Variants in CERT1 observed in about 807,000 individuals in gnomAD.
CERT1 encodes the protein ceramide transporter 1, also known as ceramide transfer protein.
Under a neutral mutation model 87.9 loss-of-function variants are expected in CERT1, and 31 were observed. The observed-to-expected ratio is 0.35, with a 90% confidence interval of 0.27 to 0.48. The LOEUF (loss-of-function observed/expected upper bound fraction) is 0.48, where lower values mean the gene tolerates loss of function less well. CERT1 is among the 20% of genes least tolerant of loss of function. The pLI is 0.99. For missense variants in CERT1, 487 were observed against 758.0 expected (o/e 0.64, Z 4.20); for synonymous variants, 289 against 250.9 (o/e 1.15, Z -1.44).
At chr5:75,433,683 G>T (rs1177595283) in intron 3 of CERT1, among the ~76,000 whole-genome samples, 1 of 152,064 alleles carries the variant, frequency 6.6e-6, no homozygotes, top group Non-Finnish European at 1.5e-5. Flanking sequence ...ACTACACCCA[G>T]GTAATTTTTT....
At chr5:75,508,287 A>G (rs561046357) in intron 1 of CERT1, among the ~76,000 whole-genome samples, 1 of 152,324 alleles carries the variant, frequency 6.6e-6, no homozygotes, top group African/African-American at 2.4e-5. Context: ...GTTAAGTTTA[A>G]ACAAGAATAG....
At chr5:75,380,162 G>A (rs1761503558) in intron 16 of CERT1, among the ~76,000 whole-genome samples, 3 of 152,134 alleles carry the variant, frequency 2.0e-5, no homozygotes. Flanking sequence ...TTTGATGAGA[G>A]AGGTTGCAAT....
intron 2 of CERT1, among the ~76,000 whole-genome samples, chr5:75,494,691 T>C (rs2112439073): frequency 6.6e-6 from 1 of 152,084 alleles, no homozygotes; most frequent in African/African-American, 2.4e-5. Flanking sequence ...AGATCTAGTT[T>C]TGAGCTTCCC....
At position 75,467,951 on chromosome 5, in the gene CERT1, T is replaced by G. The variant is rs1307492606; in HGVS notation, c.232-8770A>C. Among the ~76,000 whole-genome samples the G allele has an allele frequency of 2.6e-5, 4 of 152,214 alleles. 1 individual carries two copies. In the South Asian group the frequency reaches 8.3e-4, roughly 31 times the overall value. ...GATTTTAAGAATGTACAATTACTTCTAAATTTTACAAGTTTTTGTAAGTGA... is the reference window on the plus strand; with the variant it reads ...GATTTTAAGAATGTACAATTACTTCGAAATTTTACAAGTTTTTGTAAGTGA... On this transcript the variant is annotated intron_variant, in intron 2 of 16. Coordinates refer to ENST00000643780, the MANE Select transcript of CERT1 (RefSeq NM_001379029.1).
At chr5:75,398,423 A>C (rs1370644737) in intron 11 of CERT1, among the ~76,000 whole-genome samples, 1 of 152,192 alleles carries the variant, frequency 6.6e-6, no homozygotes, top group African/African-American at 2.4e-5. Flanking sequence ...AAATCATAAA[A>C]ATGAAGCACA....
intron 2 of CERT1, among the ~76,000 whole-genome samples, chr5:75,472,622 C>T (rs1015451258): frequency 6.6e-6 from 1 of 152,114 alleles, no homozygotes; most frequent in African/African-American, 2.4e-5. Context: ...ACAAACATTT[C>T]TCAGAAGAAA....
Position 75,379,460 on chromosome 5 carries a change from T to A in CERT1, c.1761A>T (p.Gly587=), listed in dbSNP as rs759226067. Reference sequence around the variant, plus strand: ...CCCTTAACACTGAGGCTGGTGCCCATCCTCCAGGGTTCACTGCAAGATAAA... The same window carrying A: ...CCCTTAACACTGAGGCTGGTGCCCAACCTCCAGGGTTCACTGCAAGATAAA... ...ITYVANVNPG[G]WAPASVLRAV... Residue 587 remains glycine (G), a synonymous_variant, in exon 17 of 17, where the codon GGA becomes GGT. Transcript: ENST00000643780. 1.2e-6 allele frequency: 2 copies of A among 1,613,108 alleles called. No homozygotes were observed. The highest frequency in any genetic ancestry group is 1.7e-6 in the Non-Finnish European group (2 of 1,179,640).
downstream of CERT1, chr5:75,375,520 G>T (rs1226100610): frequency 1.3e-5 from 2 of 151,204 alleles, no homozygotes; most frequent in Non-Finnish European, 2.9e-5. Context: ...AGTTGAGGCT[G>T]CAGTGAGCTG....
At chr5:75,475,590 A>G (rs61001560) in intron 2 of CERT1, among the ~76,000 whole-genome samples, 1 of 152,214 alleles carries the variant, frequency 6.6e-6, no homozygotes, top group African/African-American at 2.4e-5. Context: ...CACGATTAAC[A>G]TATCCTTTGA....
chr5:75,400,040 G>A (rs542941841), intron 10 of CERT1, among the ~76,000 whole-genome samples, 165 bp downstream of exon 10: 17 of 152,296 alleles, frequency 1.1e-4, no homozygotes, highest in Admixed American at 9.8e-4. Flanking sequence ...GCTGAGGCAC[G>A]AGAATCTCTT....
chr5:75,461,831 A>AC (rs1450774309), intron 2 of CERT1, among the ~76,000 whole-genome samples: 3 of 152,044 alleles, frequency 2.0e-5, no homozygotes, highest in Non-Finnish European at 4.4e-5. Context: ...GAAAAAAAAA[A>AC]AAAAAACGAG....
At chr5:75,417,297 T>C (rs899497942) in intron 6 of CERT1, among the ~76,000 whole-genome samples, 36 of 152,130 alleles carry the variant, frequency 2.4e-4, no homozygotes, top group African/African-American at 8.2e-4. Context: ...ATTAATCAAA[T>C]GGTAGGAGGA....
rs1173239382 is a variant in CERT1 at position 75,473,831 on chromosome 5, CAATA to C, written c.232-14654_232-14651del. ...ATACTTCAAAAAAGCATGTTGTGTA[CAATA>C]AATACATGTTACATGTCAACTTTTA... On this transcript the variant is annotated intron_variant, in intron 2 of 16. Coordinates refer to ENST00000643780, the MANE Select transcript of CERT1 (RefSeq NM_001379029.1). Among the ~76,000 whole-genome samples, 6 of 152,072 alleles carry C rather than the reference CAATA, an allele frequency of 3.9e-5. No individual in the cohort carries two copies. In the South Asian group the frequency reaches 6.2e-4, roughly 16 times the overall value.
chr5:75,389,646 C>T lies in CERT1; in HGVS notation c.1230G>A (p.Gln410=). ...MVQNHMTYSL[Q]DVGGDANWQL... ...GCCAATTGGCATCTCCGCCTACATC[C>T]TGTAATGAGTAAGTCATGTGGTTCT... The change falls in exon 12 of 17, where the codon CAG becomes CAA. Residue 410 remains glutamine (Q), a synonymous_variant. Transcript: ENST00000643780. 1 of 1,614,092 alleles carries T rather than the reference C, an allele frequency of 6.2e-7. No homozygotes were observed. The highest frequency in any genetic ancestry group is 1.1e-5 in the South Asian group (1 of 91,070).
chr5:75,438,335 T>C (rs575858639), intron 3 of CERT1, among the ~76,000 whole-genome samples: 4 of 152,306 alleles, frequency 2.6e-5, no homozygotes, highest in African/African-American at 4.8e-5. Flanking sequence ...TCTCAAGATA[T>C]CCACTTTGAA....
At chr5:75,373,905 A>G, downstream of CERT1, 3 of 394,494 alleles carry the variant, frequency 7.6e-6, no homozygotes, top group Non-Finnish European at 1.3e-5. Flanking sequence ...GTTGTGATTC[A>G]AAGTTGATTT....
In CERT1 at chr5:75,453,137, C is replaced by T. The variant is rs188799535; in HGVS notation, c.348+5928G>A. On this transcript the variant is annotated intron_variant, in intron 3 of 16. Coordinates refer to ENST00000643780, the MANE Select transcript of CERT1 (RefSeq NM_001379029.1). ...TTAAAACTTTTCTTGTAGTGAGCAA[C>T]CATTCTAGAATGGATGCCAAGGAGG... Among the ~76,000 whole-genome samples, 10 of 152,164 alleles carry T rather than the reference C, an allele frequency of 6.6e-5. No individual in the cohort carries two copies. In the East Asian group the frequency reaches 1.7e-3, roughly 26 times the overall value.
At chr5:75,374,475 A>C (rs1580681455), downstream of CERT1, 6 of 721,550 alleles carry the variant, frequency 8.3e-6, no homozygotes, top group East Asian at 1.5e-4. Flanking sequence ...GACAAAGAAA[A>C]GAAGGAACAA....
chr5:75,406,542 C>CTTTTTTT (rs869232885), intron 8 of CERT1, among the ~76,000 whole-genome samples: 1 of 139,434 alleles, frequency 7.2e-6, no homozygotes, highest in African/African-American at 2.6e-5. Flanking sequence ...TATGGTAAGT[C>CTTTTTTT]TTTTTTTTTT....
Sources: gnomAD v4.1 joint callset for allele counts (sites outside exome capture counted in the v4.1 genomes callset) on GRCh38, gnomAD v4.1.1 for gene constraint, MANE v1.5 for transcripts, NCBI Gene and HGNC (gene_info 2026-07-23, HGNC 2026-07-21) for gene names.